MIIP: variants seen among roughly 807,000 people sequenced by gnomAD.
MIIP encodes migration and invasion inhibitory protein.
MIIP carries 44 observed loss-of-function variants against 44.8 expected under a neutral mutation model. That is an observed-to-expected ratio of 0.98 (90% CI 0.77 to 1.26). MIIP has a LOEUF of 1.26. Ranked by LOEUF, MIIP falls within the 50% of genes most tolerant of loss-of-function variation. MIIP has a pLI of 0.00. For synonymous variants in MIIP, 225 were observed against 218.3 expected, an observed-to-expected ratio of 1.03 and a Z score of -0.27; for missense variants, 496 against 511.7, an observed-to-expected ratio of 0.97 and a Z score of 0.30.
intron 9 of MIIP, 159 bp downstream of exon 9, chr1:12,031,562 C>T (rs1280670027): frequency 3.8e-6 from 6 of 1,588,772 alleles, no homozygotes; most frequent in Non-Finnish European, 4.3e-6. Context: ...CCAGCCCTGA[C>T]CCTAGCCATC....
intron 1 of MIIP, among the ~76,000 whole-genome samples, chr1:12,020,829 G>T (rs1358706431): frequency 6.6e-6 from 1 of 152,160 alleles, no homozygotes; most frequent in South Asian, 2.1e-4. Flanking sequence ...GATTACAGGC[G>T]CGTGCCACCA....
rs75036690 is a variant in MIIP, at chr1:12,029,168, G to A, written c.656+27G>A. 1.1e-3 allele frequency: 1,724 copies of A among 1,613,324 alleles called. 27 individuals are homozygous for A. The East Asian group carries it at 0.028, about 26-fold the overall frequency. ...TGAGCAGGGGCGGGCGAGGGTGGGC[G>A]AGGGCGGCTGAGCGGCTCCATCCCC... is the stretch of plus-strand genomic sequence containing the variant. On this transcript the variant is annotated intron_variant, in intron 5 of 9. Coordinates refer to ENST00000235332, the MANE Select transcript of MIIP (RefSeq NM_021933.4).
At position 12,022,364 on chromosome 1, in the gene MIIP, AG is replaced by A; in HGVS notation, c.387del (p.Arg130GlyfsTer28). On this transcript the variant is annotated frameshift_variant, in exon 3 of 10. Coordinates refer to ENST00000235332, the MANE Select transcript of MIIP (RefSeq NM_021933.4). LOFTEE classifies it high-confidence loss of function. ...TSSLRDPEPSGRLGDPGPQEA... is the reference protein window; with the variant it reads ...TSSLRDPEPSXRLGDPGPQEA... ...CAAGCCTGAGGGACCCAGAGCCCTC[AG>A]GGAGGCTGGGTGATCCAGGACCCCA... 1 of 1,613,384 alleles carries A rather than the reference AG, an allele frequency of 6.2e-7. No individual in the cohort carries two copies. Among genetic ancestry groups the A allele is most frequent in the Non-Finnish European group, 8.5e-7 (1 of 1,179,848 alleles).
At chr1:12,020,809 G>A (rs560958515) in intron 1 of MIIP, among the ~76,000 whole-genome samples, 172 of 152,096 alleles carry the variant, frequency 1.1e-3, no homozygotes, top group African/African-American at 4.0e-3. Flanking sequence ...TCAGCCTCCC[G>A]AGTAGCTGGG....
At position 12,021,653 on chromosome 1, in the gene MIIP, G is replaced by T; in HGVS notation, c.-74G>T. Reference sequence around the variant, plus strand: ...TGCTGTCTTGACTTCAGGTAGAAGAGCTGGGCCTGGAACCCAGCCCTGAGG... The same window carrying T: ...TGCTGTCTTGACTTCAGGTAGAAGATCTGGGCCTGGAACCCAGCCCTGAGG... On this transcript the variant is annotated 5_prime_UTR_variant, in exon 2 of 10. Coordinates refer to ENST00000235332, the MANE Select transcript of MIIP (RefSeq NM_021933.4). 1 of 1,349,048 alleles carries T rather than the reference G, an allele frequency of 7.4e-7. No homozygotes were observed. Among genetic ancestry groups the T allele is most frequent in the Non-Finnish European group, 1.0e-6 (1 of 960,460 alleles). 83.6% of individuals were successfully genotyped at this position (1,349,048 alleles called of 1,614,324 possible).
intron 6 of MIIP, 127 bp downstream of exon 6, chr1:12,029,408 G>T: frequency 9.2e-7 from 1 of 1,087,698 alleles, no homozygotes; most frequent in South Asian, 1.5e-5. Flanking sequence ...TGAGACTCAT[G>T]GAGGGAGGCC....
intron 4 of MIIP, among the ~76,000 whole-genome samples, chr1:12,023,129 T>A (rs1640020844): frequency 6.7e-6 from 1 of 149,648 alleles, no homozygotes; most frequent in South Asian, 2.1e-4. Context: ...AGTAGTGTGA[T>A]GTTGGCTCAC....
chr1:12,027,610 CCTCT>C (rs1298433383), intron 4 of MIIP, among the ~76,000 whole-genome samples: 1 of 152,018 alleles, frequency 6.6e-6, no homozygotes, highest in Non-Finnish European at 1.5e-5. Context: ...TCTGACTCCT[CCTCT>C]CTATCTTCCC....
At chr1:12,022,768 A>C (rs1459118916) in intron 3 of MIIP, 65 bp from the exon 4 acceptor site, 1 of 1,276,516 alleles carries the variant, frequency 7.8e-7, no homozygotes, top group East Asian at 2.5e-5. Context: ...TGTCCCTCGA[A>C]TTGCGGCTTC....
intron 8 of MIIP, among the ~76,000 whole-genome samples, chr1:12,030,741 C>T (rs1230826364): frequency 3.4e-5 from 5 of 147,116 alleles, no homozygotes; most frequent in African/African-American, 7.5e-5. Flanking sequence ...CGCCACTGCA[C>T]TGCAGCCTGG....
At chr1:12,028,962 C>T (rs759032449) in intron 4 of MIIP, 71 bp from the exon 5 acceptor site, 5 of 1,309,616 alleles carry the variant, frequency 3.8e-6, no homozygotes, top group African/African-American at 2.9e-5. Flanking sequence ...TCTCTCCAAG[C>T]CTTGGCCGGT....
rs759230742 is a variant in MIIP, at chr1:12,021,734, AG to A, written c.10del (p.Ala4LeufsTer15). The A allele has an allele frequency of 7.9e-5, 127 of 1,612,642 alleles. No individual in the cohort carries two copies. Among genetic ancestry groups the A allele is most frequent in the Non-Finnish European group, 1.1e-4 (125 of 1,179,932 alleles). On this transcript the variant is annotated frameshift_variant, in exon 2 of 10. Transcript: ENST00000235332. LOFTEE classifies it high-confidence loss of function. ...TGCTGAGAGAGGCCCAGGATGGTGGAGGCTGAGGAACTGGCACAGCTGCGGC... is the reference window on the plus strand; with the variant it reads ...TGCTGAGAGAGGCCCAGGATGGTGGAGCTGAGGAACTGGCACAGCTGCGGC... Reference protein sequence around the residue: MVEAEELAQLRLL... With the variant: MVXAEELAQLRLL...
chr1:12,026,630 T>A (rs1241631182), intron 4 of MIIP, among the ~76,000 whole-genome samples: 1 of 152,216 alleles, frequency 6.6e-6, no homozygotes, highest in Non-Finnish European at 1.5e-5. Context: ...AGCATGAGCA[T>A]GAACGTGCAG....
intron 4 of MIIP, among the ~76,000 whole-genome samples, chr1:12,023,350 C>T (rs1268816040): frequency 6.6e-6 from 1 of 151,492 alleles, no homozygotes; most frequent in Non-Finnish European, 1.5e-5. Context: ...GGGAGTGAGC[C>T]ACCGCCCCCC....
chr1:12,028,164 T>C (rs1007414706), intron 4 of MIIP, among the ~76,000 whole-genome samples: 1 of 152,132 alleles, frequency 6.6e-6, no homozygotes, highest in Non-Finnish European at 1.5e-5. Flanking sequence ...CCGAGGTCGC[T>C]CCACTGCACT....
In MIIP at chr1:12,029,158, G is replaced by A. The variant is rs1640169596; in HGVS notation, c.656+17G>A. The A allele has an allele frequency of 2.5e-6, 4 of 1,612,502 alleles. No homozygotes were observed. Among genetic ancestry groups the A allele is most frequent in the African/African-American group, 1.3e-5 (1 of 74,916 alleles). On this transcript the variant is annotated intron_variant, in intron 5 of 9. Transcript: ENST00000235332. Reference sequence around the variant, plus strand: ...CCATCCTGAGTGAGCAGGGGCGGGCGAGGGTGGGCGAGGGCGGCTGAGCGG... The same window carrying A: ...CCATCCTGAGTGAGCAGGGGCGGGCAAGGGTGGGCGAGGGCGGCTGAGCGG...
Position 12,031,383 on chromosome 1 carries a change from A to G in MIIP, c.1060A>G (p.Thr354Ala). ...GGCCCAGCACCAGAAGCTGTCCGGC[A>G]CCAGCAGCCCTTTTCACCCGGTACG... ...AEAQHQKLSG[T>A]SSPFHPASPM... The change falls in exon 9 of 10, where the codon ACC becomes GCC. Residue 354 changes from threonine (T) to alanine (A), a missense_variant. Physicochemically the swap from Thr to Ala is moderately conservative, Grantham distance 58 (BLOSUM62 0). Coordinates refer to ENST00000235332, the MANE Select transcript of MIIP (RefSeq NM_021933.4). 6.2e-7 allele frequency: 1 copy of G among 1,613,788 alleles called. No homozygotes were observed. The highest frequency in any genetic ancestry group is 8.5e-7 in the Non-Finnish European group (1 of 1,179,894).
rs2100906487 is a variant in MIIP, at chr1:12,029,340, C to T, written c.715+59C>T. On this transcript the variant is annotated intron_variant, in intron 6 of 9. Transcript: ENST00000235332. Reference sequence around the variant, plus strand: ...GTCCAGCCTCGCGCTGCCCTGGCCTCCCCTGCCCCAGAGCAGTCCCATTTG... The same window carrying T: ...GTCCAGCCTCGCGCTGCCCTGGCCTTCCCTGCCCCAGAGCAGTCCCATTTG... 2.0e-6 allele frequency: 3 copies of T among 1,537,612 alleles called. No homozygotes were observed. In the South Asian group the frequency reaches 3.5e-5, roughly 18 times the overall value.
chr1:12,025,886 C>T (rs1432084504), intron 4 of MIIP, among the ~76,000 whole-genome samples: 12 of 151,552 alleles, frequency 7.9e-5, no homozygotes, highest in East Asian at 7.9e-4. Context: ...TTAGTAGAGA[C>T]GGGGTTTCAC....
Sources: allele counts gnomAD v4.1 joint callset (sites outside exome capture counted in the v4.1 genomes callset), GRCh38; gene constraint gnomAD v4.1.1; transcripts MANE v1.5; gene names NCBI Gene and HGNC (gene_info 2026-07-23, HGNC 2026-07-21).